The following PRKCH variants were observed in gnomAD, a reference collection of about 807,000 sequenced individuals.
The protein encoded by PRKCH is protein kinase C eta type.
A neutral mutation model predicts 82.5 loss-of-function variants in PRKCH; 28 were observed. The observed-to-expected ratio is 0.34, with a 90% CI of 0.25 to 0.47. The LOEUF is 0.47. Ranked by LOEUF, PRKCH falls within the 20% of genes least tolerant of loss-of-function variation. PRKCH has a pLI of 1.00. For synonymous variants in PRKCH, 322 were observed against 327.4 expected, an observed-to-expected ratio of 0.98 and a Z score of 0.18; for missense variants, 705 against 881.8, an observed-to-expected ratio of 0.80 and a Z score of 2.54.
intron 1 of PRKCH, among the ~76,000 whole-genome samples, chr14:61,351,116 A>G (rs2046068463): frequency 6.6e-6 from 1 of 152,230 alleles, no homozygotes; most frequent in African/African-American, 2.4e-5. Flanking sequence ...AGGAAATTGC[A>G]GAAGTTTCAT....
Position 61,294,133 on chromosome 14 carries a change from T to A in PRKCH, c.-19+106465T>A, listed in dbSNP as rs569376160. On this transcript the variant is annotated intron_variant, in intron 1 of 3. Transcript: ENST00000555185. ...AAGTTTTATTTTTATTTTTATTTTT[T>A]TTTTTGAGACAGAGTCTCGCTCTGT... is the stretch of plus-strand genomic sequence containing the variant. Among the ~76,000 whole-genome samples, 28 of 152,070 alleles carry A rather than the reference T, an allele frequency of 1.8e-4. 1 individual carries two copies. In the Middle Eastern group the frequency reaches 0.014, roughly 74 times the overall value.
intron 1 of PRKCH, among the ~76,000 whole-genome samples, chr14:61,217,666 C>T (rs1478353562): frequency 6.6e-6 from 1 of 152,160 alleles, no homozygotes; most frequent in African/African-American, 2.4e-5. Flanking sequence ...CCACCAGAAC[C>T]TTCCTGATGT....
chr14:61,319,544 T>C (rs1428938781), upstream of PRKCH, among the ~76,000 whole-genome samples: 1 of 152,126 alleles, frequency 6.6e-6, no homozygotes, highest in African/African-American at 2.4e-5. Flanking sequence ...CCACCTACCA[T>C]TTGGGGACTG....
At chr14:61,257,730 C>T (rs1175954973) in intron 1 of PRKCH, among the ~76,000 whole-genome samples, 1 of 151,700 alleles carries the variant, frequency 6.6e-6, no homozygotes, top group Non-Finnish European at 1.5e-5. Context: ...AACCTAGCTT[C>T]CTCTCTCTCT....
chr14:61,246,349 A>G (rs2044882876), intron 1 of PRKCH, among the ~76,000 whole-genome samples: 1 of 151,002 alleles, frequency 6.6e-6, no homozygotes, highest in Non-Finnish European at 1.5e-5. Flanking sequence ...TGGAGGTTTC[A>G]GTGAGCCAAG....
chr14:61,505,694 G>A (rs778911726), intron 10 of PRKCH, among the ~76,000 whole-genome samples: 10 of 152,024 alleles, frequency 6.6e-5, no homozygotes, highest in South Asian at 2.1e-4. Context: ...TTCTAAGGGC[G>A]CTAATCCCAT....
chr14:61,401,468 T>G (rs1439071782), intron 2 of PRKCH, among the ~76,000 whole-genome samples: 1 of 152,194 alleles, frequency 6.6e-6, no homozygotes, highest in East Asian at 1.9e-4. Context: ...CAGAGACATT[T>G]TCAGGAAGTC....
chr14:61,480,603 T>G (rs1885929164), intron 9 of PRKCH, among the ~76,000 whole-genome samples: 1 of 152,194 alleles, frequency 6.6e-6, no homozygotes, highest in African/African-American at 2.4e-5. Flanking sequence ...TACTGGAGTC[T>G]TTTTCAAGCC....
At chr14:61,367,256 C>T (rs2046308799) in intron 1 of PRKCH, among the ~76,000 whole-genome samples, 1 of 151,940 alleles carries the variant, frequency 6.6e-6, no homozygotes, top group Admixed American at 6.6e-5. Context: ...TGTGCATCTG[C>T]CCCTAACCCA....
At chr14:61,304,655 A>T (rs1183851207) in intron 1 of PRKCH, 3 of 127,012 alleles carry the variant, frequency 2.4e-5, no homozygotes, top group African/African-American at 1.1e-4. Flanking sequence ...CTGAGACCCC[A>T]TCTCTAAAAA....
chr14:61,547,047 C>T (rs185632700), intron 12 of PRKCH, among the ~76,000 whole-genome samples: 35 of 152,314 alleles, frequency 2.3e-4, no homozygotes, highest in Non-Finnish European at 4.3e-4. Flanking sequence ...TGTGTGGCAG[C>T]GCTCGTTTTA....
At chr14:61,538,539 AG>A (rs2140023299) in intron 12 of PRKCH, among the ~76,000 whole-genome samples, 1 of 152,300 alleles carries the variant, frequency 6.6e-6, no homozygotes, top group South Asian at 2.1e-4. Context: ...AGCAGTGTAA[AG>A]GATTTTTTAA....
At chr14:61,325,434 G>A (rs898589686) in intron 1 of PRKCH, among the ~76,000 whole-genome samples, 7 of 152,188 alleles carry the variant, frequency 4.6e-5, no homozygotes, top group Admixed American at 3.9e-4. Flanking sequence ...AGTAATATGA[G>A]CCTTGACACT....
At chr14:61,486,393 C>G (rs1453239747) in intron 10 of PRKCH, among the ~76,000 whole-genome samples, 1 of 152,164 alleles carries the variant, frequency 6.6e-6, no homozygotes, top group Non-Finnish European at 1.5e-5. Flanking sequence ...GTAGCCCCCT[C>G]CCAAATATTT....
intron 1 of PRKCH, among the ~76,000 whole-genome samples, chr14:61,337,337 C>A (rs1417997562): frequency 1.3e-5 from 2 of 151,954 alleles, no homozygotes; most frequent in Non-Finnish European, 2.9e-5. Flanking sequence ...CAGGGTCTTG[C>A]CATGTTGCTT....
intron 1 of PRKCH, among the ~76,000 whole-genome samples, chr14:61,269,343 G>C (rs776120497): frequency 6.1e-4 from 93 of 151,558 alleles, no homozygotes; most frequent in Admixed American, 1.6e-3. Context: ...TTTACTCCCA[G>C]GAATTTTAAT....
In PRKCH at chr14:61,198,303, T is replaced by A. The variant is rs148313830; in HGVS notation, c.-19+10635T>A. On this transcript the variant is annotated intron_variant, in intron 1 of 3. Coordinates refer to the PRKCH transcript ENST00000555185. ...AGCCTTCTTCAAACTCATTCACCCA[T>A]GTATGCTCTGCCCCAGCCTAATTAC... Among the ~76,000 whole-genome samples the A allele has an allele frequency of 3.5e-4, 53 of 152,306 alleles. No individual in the cohort carries two copies. In the East Asian group the frequency reaches 0.01, roughly 29 times the overall value.
At chr14:61,413,431 T>C (rs1292791073) in intron 2 of PRKCH, among the ~76,000 whole-genome samples, 2 of 63,498 alleles carry the variant, frequency 3.1e-5, no homozygotes, top group African/African-American at 1.1e-4. Context: ...CCATGTACCC[T>C]GTGCCTATAT....
At chr14:61,438,005 A>G (rs1261305767) in intron 2 of PRKCH, among the ~76,000 whole-genome samples, 2 of 152,156 alleles carry the variant, frequency 1.3e-5, no homozygotes, top group African/African-American at 4.8e-5. Flanking sequence ...TACACTAGGT[A>G]AGTTACTACC....
Sources: gnomAD v4.1 joint callset for allele counts (sites outside exome capture counted in the v4.1 genomes callset) on GRCh38, gnomAD v4.1.1 for gene constraint, MANE v1.5 for transcripts, NCBI Gene and HGNC (gene_info 2026-07-23, HGNC 2026-07-21) for gene names.